ATXN7L1: variants seen among roughly 807,000 people sequenced by gnomAD.
ATXN7L1 encodes the protein ataxin 7 like 1.
ATXN7L1 carries 15 observed loss-of-function variants against 70.8 expected under a neutral mutation model. The observed-to-expected ratio is 0.21, with a 90% confidence interval of 0.14 to 0.33. ATXN7L1 has a LOEUF of 0.33. Ranked by LOEUF, ATXN7L1 falls within the 10% of genes least tolerant of loss-of-function variation. The pLI is 1.00. For synonymous variants in ATXN7L1, 440 were observed against 445.1 expected (o/e 0.99, Z 0.14); for missense variants, 975 against 1,097.1 (o/e 0.89, Z 1.57).
chr7:105,645,951 G>A (rs1380979088), intron 4 of ATXN7L1, among the ~76,000 whole-genome samples: 3 of 151,690 alleles, frequency 2.0e-5, no homozygotes, highest in Non-Finnish European at 2.9e-5. Flanking sequence ...AGGTTGCAGT[G>A]CACTGAGATC....
chr7:105,815,149 G>A (rs1809004331), intron 2 of ATXN7L1, among the ~76,000 whole-genome samples: 1 of 152,160 alleles, frequency 6.6e-6, no homozygotes, highest in Non-Finnish European at 1.5e-5. Context: ...CTCTCTCTCA[G>A]ACGTTCTGAA....
intron 2 of ATXN7L1, among the ~76,000 whole-genome samples, chr7:105,854,231 C>T (rs1815350210): frequency 6.6e-6 from 1 of 152,130 alleles, no homozygotes; most frequent in African/African-American, 2.4e-5. Flanking sequence ...CATCTGTAAT[C>T]CATTCAAAGG....
chr7:105,686,876 G>T (rs978019198), intron 3 of ATXN7L1, among the ~76,000 whole-genome samples: 10 of 152,156 alleles, frequency 6.6e-5, no homozygotes, highest in Middle Eastern at 3.2e-3. Context: ...TTATGCCAAT[G>T]AATCTATTAA....
chr7:105,798,307 G>A (rs1012088735), intron 2 of ATXN7L1, among the ~76,000 whole-genome samples: 1 of 152,188 alleles, frequency 6.6e-6, no homozygotes, highest in African/African-American at 2.4e-5. Context: ...GGGCTTGGGT[G>A]TTTTTTGGAT....
At chr7:105,685,047 A>G (rs1173719051) in intron 3 of ATXN7L1, among the ~76,000 whole-genome samples, 5 of 37,006 alleles carry the variant, frequency 1.4e-4, no homozygotes, top group African/African-American at 3.3e-4. Context: ...AAGAGATGAT[A>G]ATAATAATAA....
At chr7:105,724,626 C>T (rs1246694810) in intron 3 of ATXN7L1, among the ~76,000 whole-genome samples, 9 of 149,518 alleles carry the variant, frequency 6.0e-5, no homozygotes, top group African/African-American at 1.2e-4. Flanking sequence ...TGGTGGCTCA[C>T]GCCTGCAATC....
chr7:105,673,074 A>G (rs116229740), intron 3 of ATXN7L1, among the ~76,000 whole-genome samples: 2,893 of 152,292 alleles, frequency 0.019, 89 homozygotes, highest in African/African-American at 0.066. Flanking sequence ...TGCAGACACC[A>G]GCTGTCAGCA....
chr7:105,628,792 CAAAT>C (rs199937717), intron 7 of ATXN7L1, among the ~76,000 whole-genome samples: 52,988 of 141,356 alleles, frequency 0.37, 10,401 homozygotes, highest in Admixed American at 0.43. Context: ...GACTCCATCT[CAAAT>C]AAATAAATAA....
intron 2 of ATXN7L1, among the ~76,000 whole-genome samples, chr7:105,865,164 G>C (rs1215992714): frequency 6.6e-6 from 1 of 152,094 alleles, no homozygotes. Context: ...CACAACAAAG[G>C]CTTCCATTAC....
chr7:105,711,910 G>A (rs770214498), intron 3 of ATXN7L1, among the ~76,000 whole-genome samples: 12 of 152,228 alleles, frequency 7.9e-5, no homozygotes, highest in Non-Finnish European at 1.6e-4. Flanking sequence ...TGAGGGCTCC[G>A]CCCCTGCAGC....
chr7:105,865,405 T>A (rs976945587), intron 2 of ATXN7L1, among the ~76,000 whole-genome samples: 2 of 93,704 alleles, frequency 2.1e-5, no homozygotes, highest in Non-Finnish European at 4.8e-5. Flanking sequence ...CCATTTTAAC[T>A]TTTTTTTTTT....
rs977993114 is a variant in ATXN7L1 at position 105,642,715 on chromosome 7, C to A, written c.862+123G>T. 88 of 1,237,158 alleles carry A rather than the reference C, an allele frequency of 7.1e-5. 2 individuals carry two copies. The highest frequency in any genetic ancestry group is 1.3e-5 in the Non-Finnish European group (12 of 906,826). 76.6% of individuals were successfully genotyped at this position (1,237,158 alleles called of 1,614,324 possible). On this transcript the variant is annotated intron_variant, in intron 5 of 11. Transcript: ENST00000419735. ...GGTGGGGTTCCTGTTTGCAGGTAAA[C>A]TCTGCATCCCCCTTAAAATGAAACA...
chr7:105,768,503 A>G (rs1463613315), intron 3 of ATXN7L1, among the ~76,000 whole-genome samples: 1 of 152,062 alleles, frequency 6.6e-6, no homozygotes, highest in Non-Finnish European at 1.5e-5. Flanking sequence ...CTAACAAGCG[A>G]CTCTAAGCTT....
chr7:105,776,620 G>A (rs1040353540), intron 3 of ATXN7L1, among the ~76,000 whole-genome samples: 1 of 152,154 alleles, frequency 6.6e-6, no homozygotes, highest in Non-Finnish European at 1.5e-5. Flanking sequence ...TGTTCCTTGA[G>A]AGTGTGAGAG....
intron 3 of ATXN7L1, among the ~76,000 whole-genome samples, chr7:105,747,200 G>T (rs924044614): frequency 9.2e-5 from 14 of 152,198 alleles, no homozygotes; most frequent in Non-Finnish European, 1.9e-4. Flanking sequence ...AGGATTAGAG[G>T]GCGGGGACTT....
At chr7:105,619,525 TATATA>T (rs1363047621) in intron 9 of ATXN7L1, among the ~76,000 whole-genome samples, 24 of 16,240 alleles carry the variant, frequency 1.5e-3, no homozygotes, top group South Asian at 2.8e-3. Context: ...TATATATATA[TATATA>T]TTTTTTTTTT....
At position 105,875,821 on chromosome 7, in the gene ATXN7L1, T is replaced by C. The variant is rs1202121864; in HGVS notation, c.241A>G (p.Asn81Asp). ...CAGTAGCTCCACTTACCTTCTTTAT[T>C]AAGCCTCATAACCTCCCTGCTTTTT... ...GGKSREVMRL[N>D]KEDMHLFGHY... is the part of the protein sequence containing the mutation. The change falls in exon 2 of 12, where the codon AAT (asparagine) becomes GAT (aspartate). Residue 81 changes from asparagine to aspartate, a missense_variant. Transcript: ENST00000419735. 4 of 1,613,210 alleles carry C rather than the reference T, an allele frequency of 2.5e-6. No homozygotes were observed. The African/African-American group carries it at 5.3e-5, about 22-fold the overall frequency.
rs1270897089 is a variant in ATXN7L1 at position 105,638,540 on chromosome 7, G to A, written c.1015C>T (p.His339Tyr). Residue 339 changes from histidine (H) to tyrosine (Y), a missense_variant, in exon 7 of 12, where the codon CAC (histidine) becomes TAC (tyrosine). By Grantham distance (83) the His-to-Tyr change is moderately conservative. Transcript: ENST00000419735. ...KKQFDLLLAE[H>Y]KAKSREKEVK... is the part of the protein sequence containing the mutation. ...TCTTTTTCCCGGGACTTTGCTTTGT[G>A]TTCTGCCAGGAGGAGGTCAAATTGC... The A allele has an allele frequency of 6.4e-7, 1 of 1,552,044 alleles. No homozygotes were observed. Among genetic ancestry groups the A allele is most frequent in the Non-Finnish European group, 8.7e-7 (1 of 1,147,098 alleles).
At chr7:105,616,351 C>T (rs185164286) in intron 9 of ATXN7L1, among the ~76,000 whole-genome samples, 1 of 152,332 alleles carries the variant, frequency 6.6e-6, no homozygotes, top group Admixed American at 6.5e-5. Flanking sequence ...CCTAGCGTTC[C>T]TCTCTGAAGA....
Sources: allele counts gnomAD v4.1 joint callset (sites outside exome capture counted in the v4.1 genomes callset), GRCh38; gene constraint gnomAD v4.1.1; transcripts MANE v1.5; gene names NCBI Gene and HGNC (gene_info 2026-07-23, HGNC 2026-07-21).